The following LNX1 variants were observed in gnomAD, a reference collection of about 807,000 sequenced individuals.
The protein encoded by LNX1 is E3 ubiquitin-protein ligase LNX.
LNX1 carries 54 observed loss-of-function variants against 68.4 expected under a neutral mutation model. The ratio of observed to expected loss-of-function variants is 0.79; its 90% CI spans 0.63 to 0.99. The LOEUF (loss-of-function observed/expected upper bound fraction) is 0.99. Ranked by LOEUF, LNX1 falls within the 50% of genes least tolerant of loss-of-function variation. The pLI is 0.00. For missense variants in LNX1, 906 were observed against 926.4 expected (o/e 0.98, Z 0.29); for synonymous variants, 336 against 350.0 (o/e 0.96, Z 0.45).
intron 10 of LNX1, 42 bp downstream of exon 10, chr4:53,461,393 C>CAACA: frequency 5.4e-6 from 8 of 1,489,010 alleles, no homozygotes; most frequent in Non-Finnish European, 6.5e-6. Context: ...ATTTATGAAA[C>CAACA]AACATTTAAT....
chr4:53,521,201 G>A (rs1248174071), intron 2 of LNX1, among the ~76,000 whole-genome samples: 2 of 152,098 alleles, frequency 1.3e-5, no homozygotes, highest in East Asian at 3.8e-4. Flanking sequence ...AAGCAGCCTG[G>A]GTTTTCAGCT....
chr4:53,600,066 A>G (rs1399070592), intron 2 of LNX1, among the ~76,000 whole-genome samples: 3 of 152,154 alleles, frequency 2.0e-5, no homozygotes, highest in Non-Finnish European at 4.4e-5. Flanking sequence ...CCAATACCAT[A>G]TGCTTTTTAA....
At chr4:53,572,388 A>C (rs1339092028) in intron 2 of LNX1, among the ~76,000 whole-genome samples, 1 of 152,208 alleles carries the variant, frequency 6.6e-6, no homozygotes, top group East Asian at 1.9e-4. Flanking sequence ...CGTCTTGGGG[A>C]GAAAAATGAA....
At chr4:53,646,408 C>T (rs1318029863) in intron 1 of LNX1, among the ~76,000 whole-genome samples, 1 of 152,212 alleles carries the variant, frequency 6.6e-6, no homozygotes, top group Non-Finnish European at 1.5e-5. Flanking sequence ...TTCATATCCT[C>T]TAACCCTGCT....
intron 1 of LNX1, among the ~76,000 whole-genome samples, chr4:53,633,214 G>A (rs371439440): frequency 7.9e-5 from 12 of 152,318 alleles, no homozygotes; most frequent in Admixed American, 4.6e-4. Flanking sequence ...TGAGAAAATG[G>A]ATGTGAAAAC....
intron 2 of LNX1, among the ~76,000 whole-genome samples, chr4:53,539,710 C>T (rs1728620332): frequency 6.6e-6 from 1 of 152,214 alleles, no homozygotes; most frequent in Admixed American, 6.5e-5. Context: ...AAATGATCTC[C>T]TTAACATGTA....
At chr4:53,578,820 T>C (rs1004090300) in intron 1 of LNX1, among the ~76,000 whole-genome samples, 23 of 152,212 alleles carry the variant, frequency 1.5e-4, no homozygotes, top group Admixed American at 9.8e-4. Flanking sequence ...TTTTCTGACT[T>C]TATTTTAGAC....
chr4:53,517,976 C>T (rs1316124845), intron 2 of LNX1, among the ~76,000 whole-genome samples: 5 of 152,150 alleles, frequency 3.3e-5, no homozygotes, highest in African/African-American at 1.2e-4. Context: ...ACACGGCTTC[C>T]CCTCATTAGC....
At chr4:53,624,064 C>A (rs943448722) in intron 1 of LNX1, among the ~76,000 whole-genome samples, 1 of 152,122 alleles carries the variant, frequency 6.6e-6, no homozygotes, top group African/African-American at 2.4e-5. Flanking sequence ...CAGAGCTGGG[C>A]CCTCCATGAC....
chr4:53,557,652 A>C (rs1191118074), intron 2 of LNX1, among the ~76,000 whole-genome samples: 1 of 151,508 alleles, frequency 6.6e-6, no homozygotes, highest in Admixed American at 6.6e-5. Flanking sequence ...GGAAAAAAAA[A>C]TGCCTTATTG....
At chr4:53,628,789 T>G (rs1408747141) in intron 1 of LNX1, among the ~76,000 whole-genome samples, 1 of 151,948 alleles carries the variant, frequency 6.6e-6, no homozygotes, top group South Asian at 2.1e-4. Flanking sequence ...GAAATACTAC[T>G]CAGCCATAAA....
At chr4:53,462,454 T>C (rs775409813) in intron 9 of LNX1, among the ~76,000 whole-genome samples, 2 of 152,102 alleles carry the variant, frequency 1.3e-5, no homozygotes, top group East Asian at 1.9e-4. Context: ...AGTCCGGGAA[T>C]TGGTTTGAAA....
At chr4:53,535,364 C>T (rs1728296838) in intron 2 of LNX1, among the ~76,000 whole-genome samples, 1 of 152,134 alleles carries the variant, frequency 6.6e-6, no homozygotes, top group African/African-American at 2.4e-5. Context: ...TTCCATGACA[C>T]AAAACATACA....
intron 2 of LNX1, among the ~76,000 whole-genome samples, chr4:53,602,340 A>G (rs1733052853): frequency 6.6e-6 from 1 of 152,208 alleles, no homozygotes; most frequent in East Asian, 1.9e-4. Context: ...GAGAGCTGTC[A>G]GACCACCATC....
intron 6 of LNX1, among the ~76,000 whole-genome samples, chr4:53,487,045 C>T (rs180838867): frequency 6.6e-6 from 1 of 152,192 alleles, no homozygotes; most frequent in Admixed American, 6.5e-5. Flanking sequence ...GTTCAGCCTG[C>T]AACTGACTCT....
At chr4:53,642,460 T>C (rs73250976) in intron 1 of LNX1, among the ~76,000 whole-genome samples, 334 of 152,330 alleles carry the variant, frequency 2.2e-3, no homozygotes, top group Non-Finnish European at 3.6e-3. Flanking sequence ...AAGGGTCTCC[T>C]GGCCATTGAC....
intron 6 of LNX1, among the ~76,000 whole-genome samples, chr4:53,495,533 G>A: frequency 8.3e-6 from 1 of 119,898 alleles, no homozygotes; most frequent in South Asian, 2.9e-4. Context: ...GATCCCTGGA[G>A]AATGCATGGC....
chr4:53,528,946 TA>T (rs749059967), intron 2 of LNX1, among the ~76,000 whole-genome samples: 4 of 151,426 alleles, frequency 2.6e-5, no homozygotes, highest in Non-Finnish European at 4.4e-5. Context: ...AGGCTACCCA[TA>T]AAAAAAAGCC....
chr4:53,538,313 G>T (rs1577679880), intron 2 of LNX1, among the ~76,000 whole-genome samples: 2 of 152,172 alleles, frequency 1.3e-5, no homozygotes, highest in Non-Finnish European at 2.9e-5. Flanking sequence ...CAGGCTAAGA[G>T]CCAGAATCAG....
Sources: allele counts gnomAD v4.1 joint callset (sites outside exome capture counted in the v4.1 genomes callset), GRCh38; gene constraint gnomAD v4.1.1; transcripts MANE v1.5; gene names NCBI Gene and HGNC (gene_info 2026-07-23, HGNC 2026-07-21).